EXOC7: variants seen among roughly 807,000 people sequenced by gnomAD.
EXOC7 encodes exocyst complex component Exo70.
In EXOC7, 51 loss-of-function variants were observed where a neutral mutation model predicts 87.6. The ratio of observed to expected loss-of-function variants is 0.58; its 90% confidence interval spans 0.46 to 0.73. The LOEUF (loss-of-function observed/expected upper bound fraction) is 0.73, where lower values mean the gene tolerates loss of function less well. Among genes scored for constraint, EXOC7 ranks in the 30% least tolerant of loss-of-function variants. The probability of loss-of-function intolerance (pLI) is 0.00; values close to 1 mark genes in which losing one functional copy is unlikely to be tolerated. For synonymous variants in EXOC7, 327 were observed against 357.1 expected (o/e 0.92, Z 0.95); for missense variants, 744 against 888.4 (o/e 0.84, Z 2.07).
At position 76,082,503 on chromosome 17, in the gene EXOC7, T is replaced by C; in HGVS notation, c.*1145A>G. The C allele has an allele frequency of 6.2e-7, 1 of 1,613,664 alleles. No homozygotes were observed. Among genetic ancestry groups the C allele is most frequent in the Non-Finnish European group, 8.5e-7 (1 of 1,179,840 alleles). ...TAAAGGGGTCACAGAGAAGCTGGCCTGAGACTGCTGACCGCATCTTCTTCC... is the reference window on the plus strand; with the variant it reads ...TAAAGGGGTCACAGAGAAGCTGGCCCGAGACTGCTGACCGCATCTTCTTCC... On this transcript the variant is annotated 3_prime_UTR_variant, in exon 19 of 19. Coordinates refer to ENST00000589210, the MANE Select transcript of EXOC7 (RefSeq NM_001013839.4).
At chr17:76,086,260 G>A in intron 12 of EXOC7, 115 bp from the exon 13 acceptor site, 1 of 1,040,402 alleles carries the variant, frequency 9.6e-7, no homozygotes, top group Non-Finnish European at 1.4e-6. Flanking sequence ...GGGCTTCCTT[G>A]GGCAGAGCTG....
intron 7 of EXOC7, chr17:76,090,209 T>C: frequency 1.7e-6 from 2 of 1,152,944 alleles, no homozygotes; most frequent in Non-Finnish European, 2.4e-6. Flanking sequence ...GAGAGGCGCA[T>C]AGGCCTGGCC....
In EXOC7 at chr17:76,084,538, A is replaced by C; in HGVS notation, c.1755T>G (p.Pro585=). The change falls in exon 16 of 19, where the codon CCT becomes CCG. Residue 585 remains proline (P), a synonymous_variant. Coordinates refer to ENST00000589210, the MANE Select transcript of EXOC7 (RefSeq NM_001013839.4). ...VTDYIAEKNL[P]VFQPGVKLRD... is the part of the protein sequence containing the mutation. Reference sequence around the variant, plus strand: ...CCACCTTGACTCCCGGCTGGAACACAGGTAGATTCTTCTCTGCGATGTAAT... The same window carrying C: ...CCACCTTGACTCCCGGCTGGAACACCGGTAGATTCTTCTCTGCGATGTAAT... 6.2e-7 allele frequency: 1 copy of C among 1,613,966 alleles called. No homozygotes were observed. Among genetic ancestry groups the C allele is most frequent in the Non-Finnish European group, 8.5e-7 (1 of 1,180,020 alleles).
chr17:76,100,581 C>T (rs563700975), intron 4 of EXOC7, among the ~76,000 whole-genome samples: 56 of 148,806 alleles, frequency 3.8e-4, no homozygotes, highest in Non-Finnish European at 2.5e-4. Context: ...TGCAGTGAGC[C>T]GAGATCGTGC....
chr17:76,082,628 C>G lies in EXOC7; in HGVS notation c.*1020G>C, dbSNP rs757981459. ...GACGCAGCCCCTGGAGAGGCTGCACCCCATGGCAGGCGGCCTAGACTGTAA... is the reference window on the plus strand; with the variant it reads ...GACGCAGCCCCTGGAGAGGCTGCACGCCATGGCAGGCGGCCTAGACTGTAA... On this transcript the variant is annotated 3_prime_UTR_variant, in exon 19 of 19. Coordinates refer to ENST00000589210, the MANE Select transcript of EXOC7 (RefSeq NM_001013839.4). The G allele has an allele frequency of 1.2e-6, 2 of 1,612,756 alleles. No individual in the cohort carries two copies. The highest frequency in any genetic ancestry group is 2.2e-5 in the South Asian group (2 of 90,974).
At chr17:76,090,349 T>C in intron 7 of EXOC7, 1 of 1,551,596 alleles carries the variant, frequency 6.4e-7, no homozygotes, top group Admixed American at 2.0e-5. Flanking sequence ...CCCGTGCTTG[T>C]CGTTCAAGGC....
intron 12 of EXOC7, among the ~76,000 whole-genome samples, chr17:76,086,599 C>T (rs986611090): frequency 7.9e-5 from 12 of 152,108 alleles, no homozygotes; most frequent in Non-Finnish European, 8.8e-5. Flanking sequence ...TGGGGAAGGC[C>T]GAGTGGGGAC....
At chr17:76,089,054 C>G (rs980728980) in intron 8 of EXOC7, 121 bp downstream of exon 8, 1 of 1,501,370 alleles carries the variant, frequency 6.7e-7, no homozygotes. Context: ...TGGTGAGCGT[C>G]CACCCAGGAC....
chr17:76,081,284 A>C lies in EXOC7; in HGVS notation c.*2364T>G. The C allele has an allele frequency of 6.2e-7, 1 of 1,613,704 alleles. No homozygotes were observed. Among genetic ancestry groups the C allele is most frequent in the Non-Finnish European group, 8.5e-7 (1 of 1,179,936 alleles). On this transcript the variant is annotated 3_prime_UTR_variant, in exon 19 of 19. Transcript: ENST00000589210. ...TCTCATTCCCACCCCTCAGCGATGG[A>C]GTTAGAGTTCCAGGCCCACGTGGTG...
In EXOC7 at chr17:76,083,298, A is replaced by AG. The variant is rs1279135407; in HGVS notation, c.*349dup. On this transcript the variant is annotated 3_prime_UTR_variant, in exon 19 of 19. Transcript: ENST00000589210. ...TGTCCCCACCTCTGACCTAGGCTGG[A>AG]GGGAGGGCCCTTCTGCCCTGCTGCT... is the stretch of plus-strand genomic sequence containing the variant. 1.6e-5 allele frequency: 4 copies of AG among 256,764 alleles called. No homozygotes were observed. Among genetic ancestry groups the AG allele is most frequent in the Non-Finnish European group, 3.0e-5 (4 of 131,334 alleles). 15.9% of individuals were successfully genotyped at this position (256,764 alleles called of 1,614,324 possible).
chr17:76,094,116 G>A (rs933749123), intron 6 of EXOC7: 3 of 290,438 alleles, frequency 1.0e-5, no homozygotes, highest in African/African-American at 6.5e-5. Flanking sequence ...GTGTGTGAGG[G>A]AGGAGGCCTA....
At position 76,081,511 on chromosome 17, in the gene EXOC7, C is replaced by A. The variant is rs771704797; in HGVS notation, c.*2137G>T. On this transcript the variant is annotated 3_prime_UTR_variant, in exon 19 of 19. Coordinates refer to ENST00000589210, the MANE Select transcript of EXOC7 (RefSeq NM_001013839.4). The stretch of plus-strand genomic sequence containing the variant: ...GCCCCCGATGCCCACCTCCTTCCCC[C>A]CCGCCGGGAAGGCCCTGACTTTTCC... 3.8e-5 allele frequency: 62 copies of A among 1,610,936 alleles called. No individual in the cohort carries two copies. The highest frequency in any genetic ancestry group is 1.8e-4 in the Admixed American group (11 of 59,980).
At chr17:76,102,217 T>C (rs1198279200) in intron 2 of EXOC7, among the ~76,000 whole-genome samples, 1 of 152,186 alleles carries the variant, frequency 6.6e-6, no homozygotes, top group African/African-American at 2.4e-5. Context: ...AGTAGTTTCA[T>C]ACAGAGTAGC....
intron 12 of EXOC7, chr17:76,087,384 C>G (rs1327645460): frequency 3.9e-6 from 2 of 516,268 alleles, no homozygotes; most frequent in Non-Finnish European, 6.9e-6. Context: ...ACCTTCCAAC[C>G]AACCAGCACC....
intron 7 of EXOC7, chr17:76,089,747 T>G (rs2067389932): frequency 9.7e-6 from 2 of 205,928 alleles, no homozygotes; most frequent in Non-Finnish European, 2.0e-5. Flanking sequence ...GTCATCCATG[T>G]GGGCAAATGC....
At chr17:76,084,388 T>A (rs759012086) in intron 16 of EXOC7, 99 bp from the exon 17 acceptor site, 2 of 1,580,416 alleles carry the variant, frequency 1.3e-6, no homozygotes, top group South Asian at 2.2e-5. Flanking sequence ...CTGTCTCCTG[T>A]GTCCTGATGG....
At chr17:76,099,681 G>C (rs1301378485) in intron 4 of EXOC7, among the ~76,000 whole-genome samples, 6 of 152,162 alleles carry the variant, frequency 3.9e-5, no homozygotes, top group Admixed American at 1.3e-4. Context: ...TGTATTATAA[G>C]ATACCATTTA....
At position 76,089,222 on chromosome 17, in the gene EXOC7, T is replaced by C; in HGVS notation, c.1000A>G (p.Ile334Val). ...AQSEYQLLAD[I>V]IPEHHQKKTF... ...TTCTTCTGGTGGTGCTCGGGGATGA[T>C]GTCGGCCAGCAGCTGGTACTCGCTC... Residue 334 changes from isoleucine to valine, a missense_variant, in exon 8 of 19, where the codon ATC (isoleucine) becomes GTC (valine). By Grantham distance (29) the Ile-to-Val change is conservative. Transcript: ENST00000589210. 2 of 1,614,046 alleles carry C rather than the reference T, an allele frequency of 1.2e-6. No homozygotes were observed. The highest frequency in any genetic ancestry group is 1.3e-5 in the African/African-American group (1 of 75,020).
intron 6 of EXOC7, chr17:76,092,466 T>C (rs2067540730): frequency 6.6e-6 from 1 of 152,032 alleles, no homozygotes; most frequent in South Asian, 2.1e-4. Context: ...AACTAATTTT[T>C]TTTCTATTTT....
Sources: allele counts gnomAD v4.1 joint callset (sites outside exome capture counted in the v4.1 genomes callset), GRCh38; gene constraint gnomAD v4.1.1; transcripts MANE v1.5; gene names NCBI Gene and HGNC (gene_info 2026-07-23, HGNC 2026-07-21).